TMEM181: variants seen among roughly 807,000 people sequenced by gnomAD.
TMEM181 encodes G protein-coupled receptor 178.
In TMEM181, 39 loss-of-function variants were observed where a neutral mutation model predicts 71.9. That is an observed-to-expected ratio of 0.54 (90% CI 0.42 to 0.71). TMEM181 has a LOEUF of 0.71. Among genes scored for constraint, TMEM181 ranks in the 30% least tolerant of loss-of-function variants. The pLI is 0.00. For synonymous variants in TMEM181, 245 were observed against 228.8 expected (o/e 1.07, Z -0.64); for missense variants, 595 against 583.0 (o/e 1.02, Z -0.21).
In TMEM181 at chr6:158,560,141, T is replaced by TGCGGCTGCCGCTGCCGAG; in HGVS notation, c.-81_-64dup. The stretch of plus-strand genomic sequence containing the variant: ...CAGCCGCTGTCGCTCCGGCTCCGGC[T>TGCGGCTGCCGCTGCCGAG]GCGGCTGCCGCTGCCGAGGCTGCTG... On this transcript the variant is annotated 5_prime_UTR_variant, in exon 1 of 17. Coordinates refer to ENST00000684151, the MANE Select transcript of TMEM181 (RefSeq NM_001376852.1). The TGCGGCTGCCGCTGCCGAG allele has an allele frequency of 2.0e-6, 2 of 984,710 alleles. No homozygotes were observed. Among genetic ancestry groups the TGCGGCTGCCGCTGCCGAG allele is most frequent in the Non-Finnish European group, 2.4e-6 (2 of 829,658 alleles). 61.0% of individuals were successfully genotyped at this position (984,710 alleles called of 1,614,324 possible).
chr6:158,573,527 A>T lies in TMEM181; in HGVS notation c.112+4A>T. 6.3e-7 allele frequency: 1 copy of T among 1,598,916 alleles called. No homozygotes were observed. The highest frequency in any genetic ancestry group is 8.5e-7 in the Non-Finnish European group (1 of 1,172,982). ...ACCATCTTCGTTGGGATCAGAGGTA[A>T]GGTTCGGTTTTTACTCATTGAATCT... On this transcript the variant is annotated splice_donor_region_variant and intron_variant, in intron 2 of 16. Transcript: ENST00000684151.
At chr6:158,629,007 G>A (rs1233203687) in intron 14 of TMEM181, among the ~76,000 whole-genome samples, 1 of 152,192 alleles carries the variant, frequency 6.6e-6, no homozygotes, top group Non-Finnish European at 1.5e-5. Flanking sequence ...GCCTGTGTCT[G>A]TAGGGAAGAG....
chr6:158,629,394 G>T (rs550556601), intron 14 of TMEM181, among the ~76,000 whole-genome samples: 2 of 152,160 alleles, frequency 1.3e-5, no homozygotes, highest in East Asian at 3.9e-4. Context: ...CCGTATGCCC[G>T]TGGCCTTCCT....
At chr6:158,608,014 C>G (rs1300905882) in intron 8 of TMEM181, among the ~76,000 whole-genome samples, 1 of 152,256 alleles carries the variant, frequency 6.6e-6, no homozygotes, top group Non-Finnish European at 1.5e-5. Flanking sequence ...GCATACGGCG[C>G]TCTGTCGTGA....
Position 158,608,642 on chromosome 6 carries a change from T to A in TMEM181, c.805-17T>A, listed in dbSNP as rs749951660. The A allele has an allele frequency of 5.0e-6, 8 of 1,598,280 alleles. No homozygotes were observed. In the Admixed American group the frequency reaches 1.3e-4, roughly 25 times the overall value. On this transcript the variant is annotated splice_polypyrimidine_tract_variant and intron_variant, in intron 9 of 16. Transcript: ENST00000684151. ...TTGGTTTTCTTTATTTCTTACTTCT[T>A]ATTTTTTTCTTTTTAGGGAGAAAGA...
intron 1 of TMEM181, among the ~76,000 whole-genome samples, chr6:158,570,393 T>A (rs2128291649): frequency 6.6e-6 from 1 of 151,702 alleles, no homozygotes; most frequent in African/African-American, 2.4e-5. Context: ...CCACAAAGCC[T>A]GGCTAATTTT....
intron 1 of TMEM181, among the ~76,000 whole-genome samples, chr6:158,565,764 T>C (rs921275251): frequency 1.8e-4 from 28 of 151,682 alleles, no homozygotes; most frequent in South Asian, 2.1e-4. Context: ...GGATCCACAG[T>C]GGAGCCCCTG....
At chr6:158,541,019 CT>C (rs112487614) in intron 1 of TMEM181, among the ~76,000 whole-genome samples, 27,691 of 152,002 alleles carry the variant, frequency 0.18, 2,789 homozygotes, top group Non-Finnish European at 0.21. Flanking sequence ...TGTGAGGGAG[CT>C]TTTAAAAACA....
At chr6:158,629,917 G>A (rs1411228866) in intron 15 of TMEM181, 98 bp downstream of exon 15, 14 of 993,244 alleles carry the variant, frequency 1.4e-5, no homozygotes, top group East Asian at 1.2e-4. Flanking sequence ...TCATGTGGGC[G>A]CTGTGATTCC....
rs897489672 is a variant in TMEM181, at chr6:158,606,137, A to C, written c.573+790A>C. 5.9e-5 allele frequency among the ~76,000 whole-genome samples: 9 copies of C among 152,162 alleles called. No individual in the cohort carries two copies. In the South Asian group the frequency reaches 1.9e-3, roughly 32 times the overall value. On this transcript the variant is annotated intron_variant, in intron 7 of 16. Coordinates refer to ENST00000684151, the MANE Select transcript of TMEM181 (RefSeq NM_001376852.1). ...TGCTGGAGCGAAGGGCGTGGGCGCT[A>C]GAGCCACAGGGAGCTGGAGGGAAGG...
Position 158,593,522 on chromosome 6 carries a change from C to T in TMEM181, c.492+3740C>T, listed in dbSNP as rs76106377. ...CCTGGGCATATGCCAGTATCCATCC[C>T]AGAACCTCAGGTGCTGGCAAGCCCT... On this transcript the variant is annotated intron_variant, in intron 6 of 16. Transcript: ENST00000684151. Among the ~76,000 whole-genome samples, 1,015 of 152,344 alleles carry T rather than the reference C, an allele frequency of 6.7e-3. 9 individuals are homozygous for T. Among genetic ancestry groups the T allele is most frequent in the African/African-American group, 0.023 (975 of 41,576 alleles).
chr6:158,574,183 T>C (rs373115745), intron 2 of TMEM181, among the ~76,000 whole-genome samples: 35 of 152,338 alleles, frequency 2.3e-4, no homozygotes, highest in African/African-American at 7.7e-4. Context: ...CTGGTAGATA[T>C]TATTTAATTG....
At chr6:158,567,709 G>C (rs1245151575) in intron 1 of TMEM181, among the ~76,000 whole-genome samples, 1 of 152,216 alleles carries the variant, frequency 6.6e-6, no homozygotes, top group African/African-American at 2.4e-5. Flanking sequence ...TGGATGCGCG[G>C]GTTTCAGTGT....
intron 1 of TMEM181, among the ~76,000 whole-genome samples, chr6:158,551,849 A>G (rs1781733080): frequency 6.6e-6 from 1 of 152,236 alleles, no homozygotes; most frequent in African/African-American, 2.4e-5. Flanking sequence ...CCTATGGAGC[A>G]AGTAAGCCTA....
chr6:158,609,310 T>C (rs1267537048), intron 10 of TMEM181, among the ~76,000 whole-genome samples: 4 of 152,152 alleles, frequency 2.6e-5, no homozygotes, highest in African/African-American at 9.7e-5. Context: ...ATACCCATAC[T>C]ATGTTTTTCT....
intron 1 of TMEM181, among the ~76,000 whole-genome samples, chr6:158,569,996 A>G (rs1425867421): frequency 2.0e-5 from 3 of 152,180 alleles, no homozygotes. Flanking sequence ...TGTTTTTGAA[A>G]TCAAGATTTA....
At position 158,633,970 on chromosome 6, in the gene TMEM181, A is replaced by G. The variant is rs1418239562; in HGVS notation, c.*2082A>G. Reference sequence around the variant, plus strand: ...TTGTCCATGATTTTGGAATGCTGTTATTTATCAGTAAATGTAAAATATTTG... The same window carrying G: ...TTGTCCATGATTTTGGAATGCTGTTGTTTATCAGTAAATGTAAAATATTTG... On this transcript the variant is annotated 3_prime_UTR_variant, in exon 17 of 17. Transcript: ENST00000684151. The G allele has an allele frequency of 6.6e-6, 1 of 152,176 alleles. No individual in the cohort carries two copies. The highest frequency in any genetic ancestry group is 1.5e-5 in the Non-Finnish European group (1 of 68,008). The allele number at this position is 152,176 out of a possible 1,614,324, so 9.4% of individuals were successfully genotyped here.
chr6:158,626,345 A>G (rs1786274376), intron 13 of TMEM181: 1 of 455,856 alleles, frequency 2.2e-6, no homozygotes, highest in East Asian at 7.0e-5. Context: ...ATTCCAGGTA[A>G]TTGCTTGGTG....
Position 158,588,738 on chromosome 6 carries a change from A to G in TMEM181, c.382-934A>G, listed in dbSNP as rs371147327. On this transcript the variant is annotated intron_variant, in intron 5 of 16. Transcript: ENST00000684151. Reference sequence around the variant, plus strand: ...GCTGGGATTACAGGCGTGAGCCACCACGCCCAGCCACCTTCTTGTCTTTTT... The same window carrying G: ...GCTGGGATTACAGGCGTGAGCCACCGCGCCCAGCCACCTTCTTGTCTTTTT... 9.3e-4 allele frequency among the ~76,000 whole-genome samples: 141 copies of G among 152,286 alleles called. 4 individuals carry two copies. The East Asian group carries it at 0.02, about 22-fold the overall frequency.
Sources: allele counts gnomAD v4.1 joint callset (sites outside exome capture counted in the v4.1 genomes callset), GRCh38; gene constraint gnomAD v4.1.1; transcripts MANE v1.5; gene names NCBI Gene and HGNC (gene_info 2026-07-23, HGNC 2026-07-21).